Variants in SPPL3 observed in about 807,000 individuals in gnomAD.
SPPL3 encodes signal peptide peptidase-like 3.
A neutral mutation model predicts 42.4 loss-of-function variants in SPPL3; 5 were observed. The observed-to-expected ratio is 0.12, with a 90% confidence interval of 0.06 to 0.25. The LOEUF (loss-of-function observed/expected upper bound fraction) is 0.25, where lower values mean the gene tolerates loss of function less well. SPPL3 is among the 10% of genes least tolerant of loss of function. The pLI is 1.00. For missense variants in SPPL3, 235 were observed against 489.0 expected, an observed-to-expected ratio of 0.48 and a Z score of 4.90; for synonymous variants, 195 against 181.8, an observed-to-expected ratio of 1.07 and a Z score of -0.58.
chr12:120,864,892 G>T (rs1872714795), intron 1 of SPPL3, among the ~76,000 whole-genome samples: 1 of 151,918 alleles, frequency 6.6e-6, no homozygotes, highest in Non-Finnish European at 1.5e-5. Context: ...AGTGAAACTG[G>T]GTTAAAAAAA....
At chr12:120,886,489 T>C (rs1250526941) in intron 1 of SPPL3, among the ~76,000 whole-genome samples, 1 of 152,178 alleles carries the variant, frequency 6.6e-6, no homozygotes, top group Non-Finnish European at 1.5e-5. Flanking sequence ...AAGCAGACCT[T>C]GAACACCTAT....
At chr12:120,877,790 A>AAAAG (rs1312555509) in intron 1 of SPPL3, among the ~76,000 whole-genome samples, 1 of 141,060 alleles carries the variant, frequency 7.1e-6, no homozygotes, top group African/African-American at 3.2e-5. Flanking sequence ...TTAAAAAAAA[A>AAAAG]AAAGAAAGAA....
chr12:120,806,763 C>T (rs983767249), intron 2 of SPPL3, among the ~76,000 whole-genome samples: 2 of 151,362 alleles, frequency 1.3e-5, no homozygotes, highest in Admixed American at 6.6e-5. Context: ...AGGAGAATGG[C>T]GTGAAGCCGG....
intron 1 of SPPL3, among the ~76,000 whole-genome samples, chr12:120,823,338 T>C (rs1302904678): frequency 2.0e-5 from 3 of 152,032 alleles, no homozygotes; most frequent in Non-Finnish European, 2.9e-5. Flanking sequence ...TGGTATCTCC[T>C]TGTCACACTG....
At chr12:120,888,603 T>C (rs1360830993) in intron 1 of SPPL3, among the ~76,000 whole-genome samples, 3 of 151,730 alleles carry the variant, frequency 2.0e-5, no homozygotes, top group Non-Finnish European at 4.4e-5. Context: ...AAAGAACAAA[T>C]CCGTAGAGGC....
At chr12:120,777,067 G>T (rs1042737983) in intron 6 of SPPL3, among the ~76,000 whole-genome samples, 2 of 152,132 alleles carry the variant, frequency 1.3e-5, no homozygotes, top group African/African-American at 4.8e-5. Flanking sequence ...GTCATTTAAA[G>T]ACACCATCAT....
intron 1 of SPPL3, among the ~76,000 whole-genome samples, chr12:120,887,650 A>G (rs1049977112): frequency 6.6e-6 from 1 of 152,266 alleles, no homozygotes; most frequent in Non-Finnish European, 1.5e-5. Context: ...AAGGTGTACT[A>G]AATTTTTGTT....
intron 1 of SPPL3, among the ~76,000 whole-genome samples, chr12:120,841,532 G>C (rs993038661): frequency 7.9e-5 from 12 of 152,000 alleles, no homozygotes; most frequent in Admixed American, 6.6e-5. Flanking sequence ...TATGATAAAC[G>C]AAAGGCCAAG....
intron 1 of SPPL3, among the ~76,000 whole-genome samples, chr12:120,898,780 T>C (rs959315054): frequency 7.9e-5 from 12 of 152,238 alleles, no homozygotes; most frequent in African/African-American, 2.9e-4. Context: ...GTTACTTACA[T>C]GCTTTGAGCC....
At chr12:120,779,069 G>A (rs1332245931) in intron 6 of SPPL3, among the ~76,000 whole-genome samples, 1 of 152,142 alleles carries the variant, frequency 6.6e-6, no homozygotes, top group Non-Finnish European at 1.5e-5. Flanking sequence ...CTGGACAACA[G>A]AGCAAGAACC....
At chr12:120,766,915 C>A (rs369749249) in intron 9 of SPPL3, among the ~76,000 whole-genome samples, 1 of 152,156 alleles carries the variant, frequency 6.6e-6, no homozygotes, top group Non-Finnish European at 1.5e-5. Flanking sequence ...AGTCACTGTG[C>A]GGGAGCAGTT....
intron 1 of SPPL3, among the ~76,000 whole-genome samples, chr12:120,845,885 T>C (rs1009391454): frequency 6.6e-6 from 1 of 151,974 alleles, no homozygotes. Context: ...TATCTATCTA[T>C]CTATCTATCT....
chr12:120,894,925 C>A (rs1185168969), intron 1 of SPPL3, among the ~76,000 whole-genome samples: 1 of 148,610 alleles, frequency 6.7e-6, no homozygotes, highest in Non-Finnish European at 1.5e-5. Context: ...CCAGCCCGGG[C>A]AACAGAGTGA....
rs188048931 is a variant in SPPL3, at chr12:120,822,827, T to G, written c.24-11941A>C. Among the ~76,000 whole-genome samples the G allele has an allele frequency of 3.4e-4, 52 of 152,194 alleles. 1 individual carries two copies. Among genetic ancestry groups the G allele is most frequent in the African/African-American group, 1.2e-3 (49 of 41,524 alleles). On this transcript the variant is annotated intron_variant, in intron 1 of 10. Transcript: ENST00000353487. ...AATCTCTCCATCATCTTGCAGTATCTAATGTCTGTTACAAGCTCCAACTAG... is the reference window on the plus strand; with the variant it reads ...AATCTCTCCATCATCTTGCAGTATCGAATGTCTGTTACAAGCTCCAACTAG...
At chr12:120,841,995 T>A (rs932645196) in intron 1 of SPPL3, among the ~76,000 whole-genome samples, 2 of 152,234 alleles carry the variant, frequency 1.3e-5, no homozygotes, top group Non-Finnish European at 2.9e-5. Context: ...CTAAATAAAC[T>A]ATTACATCTA....
At chr12:120,782,508 T>TA in intron 6 of SPPL3, 147 bp downstream of exon 6, 1 of 562,256 alleles carries the variant, frequency 1.8e-6, no homozygotes, top group South Asian at 2.2e-5. Context: ...GTAAGGGGAA[T>TA]GACCGCTCAT....
At chr12:120,870,217 G>A (rs921431830) in intron 1 of SPPL3, among the ~76,000 whole-genome samples, 2 of 151,890 alleles carry the variant, frequency 1.3e-5, no homozygotes, top group East Asian at 1.9e-4. Context: ...AGGCTGAGGC[G>A]GGTGGATCAC....
Position 120,776,257 on chromosome 12 carries a change from A to ACATT in SPPL3, c.502+6394_502+6397dup, listed in dbSNP as rs1301189840. On this transcript the variant is annotated intron_variant, in intron 6 of 10. Coordinates refer to ENST00000353487, the MANE Select transcript of SPPL3 (RefSeq NM_139015.5). The stretch of plus-strand genomic sequence containing the variant: ...TTAGGGTTTCGGGGAGCCTCACTGA[A>ACATT]CATTCAGCAAAACTTTTCAACTATG... Among the ~76,000 whole-genome samples, 4 of 152,332 alleles carry ACATT rather than the reference A, an allele frequency of 2.6e-5. No homozygotes were observed. The South Asian group carries it at 8.3e-4, about 32-fold the overall frequency.
chr12:120,861,563 T>C (rs2137042537), intron 1 of SPPL3, among the ~76,000 whole-genome samples: 1 of 152,316 alleles, frequency 6.6e-6, no homozygotes, highest in East Asian at 1.9e-4. Flanking sequence ...TACTGTCAAC[T>C]ACAATGCCCT....
Sources: gnomAD v4.1 joint callset for allele counts (sites outside exome capture counted in the v4.1 genomes callset) on GRCh38, gnomAD v4.1.1 for gene constraint, MANE v1.5 for transcripts, NCBI Gene and HGNC (gene_info 2026-07-23, HGNC 2026-07-21) for gene names.